ASH2L: variants seen among roughly 807,000 people sequenced by gnomAD.
The protein encoded by ASH2L is set1/Ash2 histone methyltransferase complex subunit ASH2.
ASH2L carries 30 observed loss-of-function variants against 81.1 expected under a neutral mutation model. That is an observed-to-expected ratio of 0.37 (90% CI 0.28 to 0.50). The LOEUF is 0.50. ASH2L is among the 20% of genes least tolerant of loss of function. The pLI is 0.95. For synonymous variants in ASH2L, 273 were observed against 279.9 expected, an observed-to-expected ratio of 0.98 and a Z score of 0.24; for missense variants, 559 against 792.1, an observed-to-expected ratio of 0.71 and a Z score of 3.53.
intron 3 of ASH2L, 101 bp from the exon 4 acceptor site, chr8:38,110,278 C>T: frequency 2.2e-6 from 2 of 912,056 alleles, no homozygotes; most frequent in Non-Finnish European, 3.6e-6. Flanking sequence ...CACCACTGCA[C>T]TCCAGCCTGA....
At chr8:38,114,110 T>G in intron 5 of ASH2L, 82 bp from the exon 6 acceptor site, 1 of 819,336 alleles carries the variant, frequency 1.2e-6, no homozygotes, top group Non-Finnish European at 1.9e-6. Flanking sequence ...TCTAACAAGA[T>G]CTTCGAAAAA....
chr8:38,110,534 G>A, intron 4 of ASH2L, 67 bp downstream of exon 4: 1 of 1,471,448 alleles, frequency 6.8e-7, no homozygotes, highest in Non-Finnish European at 9.5e-7. Flanking sequence ...TCTGGGCGTA[G>A]CAGAATCAGG....
intron 12 of ASH2L, among the ~76,000 whole-genome samples, chr8:38,130,119 G>A (rs560143614): frequency 6.6e-6 from 1 of 151,932 alleles, no homozygotes; most frequent in East Asian, 1.9e-4. Context: ...TTTCTTTGAT[G>A]ACATACTGGG....
At chr8:38,136,766 CTG>C (rs772592098) in intron 14 of ASH2L, among the ~76,000 whole-genome samples, 209 of 142,932 alleles carry the variant, frequency 1.5e-3, no homozygotes, top group Non-Finnish European at 2.7e-3. Flanking sequence ...AAACGAGACT[CTG>C]TGTCAAAAAA....
At chr8:38,112,686 G>C (rs1027347336) in intron 5 of ASH2L, among the ~76,000 whole-genome samples, 1 of 152,146 alleles carries the variant, frequency 6.6e-6, no homozygotes, top group Non-Finnish European at 1.5e-5. Context: ...TGACTAGTTG[G>C]TTAAGGAGGG....
At chr8:38,116,812 C>G (rs1395600113) in intron 8 of ASH2L, 87 bp downstream of exon 8, 23 of 1,115,600 alleles carry the variant, frequency 2.1e-5, no homozygotes, top group Non-Finnish European at 2.6e-5. Context: ...TGGGTTGACC[C>G]TTAACCTGGA....
At chr8:38,125,608 CAA>C (rs11304330) in intron 10 of ASH2L, among the ~76,000 whole-genome samples, 98,564 of 146,912 alleles carry the variant, frequency 0.67, 34,827 homozygotes, top group Middle Eastern at 0.81. Flanking sequence ...AACTCCATCT[CAA>C]AAAAAAAAAA....
chr8:38,128,035 G>A (rs961567713), intron 10 of ASH2L, among the ~76,000 whole-genome samples: 7 of 99,374 alleles, frequency 7.0e-5, no homozygotes, highest in African/African-American at 2.1e-4. Flanking sequence ...GACAGAGCGG[G>A]ACTCCATCTC....
At chr8:38,118,788 T>C (rs536580583) in intron 8 of ASH2L, among the ~76,000 whole-genome samples, 1 of 152,334 alleles carries the variant, frequency 6.6e-6, no homozygotes, top group Non-Finnish European at 1.5e-5. Flanking sequence ...TACTGTGCTT[T>C]TATGATGTTT....
At chr8:38,113,262 G>A (rs1810759113) in intron 5 of ASH2L, among the ~76,000 whole-genome samples, 2 of 152,012 alleles carry the variant, frequency 1.3e-5, no homozygotes, top group South Asian at 2.1e-4. Context: ...GAGCCACCAC[G>A]CCCAGCTCTT....
At chr8:38,105,931 G>T in intron 1 of ASH2L, 193 bp downstream of exon 1, 1 of 1,490,592 alleles carries the variant, frequency 6.7e-7, no homozygotes, top group Non-Finnish European at 8.9e-7. Context: ...CACCTTTCAC[G>T]GGCGGTGGGA....
At chr8:38,119,900 C>T (rs1811067035) in intron 9 of ASH2L, among the ~76,000 whole-genome samples, 1 of 152,130 alleles carries the variant, frequency 6.6e-6, no homozygotes, top group African/African-American at 2.4e-5. Flanking sequence ...AGGTGAATCA[C>T]CTGAGGTCAG....
In ASH2L at chr8:38,105,969, C is replaced by T. The variant is rs905170158; in HGVS notation, c.188+231C>T. 4 of 1,526,842 alleles carry T rather than the reference C, an allele frequency of 2.6e-6. No homozygotes were observed. The African/African-American group carries it at 4.1e-5, about 16-fold the overall frequency. 94.6% of individuals were successfully genotyped at this position (1,526,842 alleles called of 1,614,324 possible). On this transcript the variant is annotated intron_variant, in intron 1 of 15. Transcript: ENST00000343823. ...TGAGGCTCCTGTCGTTATCTCTGAT[C>T]CTTGCACCCTGGCAGGAAGCTGGTA...
At chr8:38,123,082 C>CTTTT (rs59410420) in intron 10 of ASH2L, among the ~76,000 whole-genome samples, 64 of 100,906 alleles carry the variant, frequency 6.3e-4, no homozygotes, top group Non-Finnish European at 7.3e-4. Context: ...TTCAGAATTT[C>CTTTT]TTTTTTTTTT....
chr8:38,105,537 C>T lies in ASH2L; in HGVS notation c.-14C>T, dbSNP rs1277265918. ...GAAGAGAGTATTCTCGCGAGAAGTC[C>T]AGGGGTGGCCGTGATGGCGGCGGCA... On this transcript the variant is annotated 5_prime_UTR_variant, in exon 1 of 16. Coordinates refer to ENST00000343823, the MANE Select transcript of ASH2L (RefSeq NM_004674.5). 1.9e-6 allele frequency: 3 copies of T among 1,550,766 alleles called. No individual in the cohort carries two copies. Among genetic ancestry groups the T allele is most frequent in the East Asian group, 2.5e-5 (1 of 40,808 alleles).
At chr8:38,125,198 T>C (rs1261839412) in intron 10 of ASH2L, among the ~76,000 whole-genome samples, 2 of 152,244 alleles carry the variant, frequency 1.3e-5, no homozygotes, top group Non-Finnish European at 2.9e-5. Flanking sequence ...TGTACACTTT[T>C]CACCCAGATT....
chr8:38,118,196 A>G (rs112572078), intron 8 of ASH2L, among the ~76,000 whole-genome samples: 2,585 of 152,348 alleles, frequency 0.017, 45 homozygotes, highest in South Asian at 0.08. Context: ...TTCTGCATAA[A>G]AAGTCTGGTC....
chr8:38,111,221 G>A (rs565776530), intron 5 of ASH2L, among the ~76,000 whole-genome samples: 3 of 152,002 alleles, frequency 2.0e-5, no homozygotes, highest in Non-Finnish European at 2.9e-5. Flanking sequence ...GTGAGCCACC[G>A]CACCTGGACT....
At chr8:38,109,379 C>T (rs752014606) in intron 3 of ASH2L, among the ~76,000 whole-genome samples, 14 of 152,168 alleles carry the variant, frequency 9.2e-5, no homozygotes, top group Non-Finnish European at 2.1e-4. Context: ...TTGGTAAATG[C>T]AGTCTTCTCT....
Sources: gnomAD v4.1 joint callset for allele counts (sites outside exome capture counted in the v4.1 genomes callset) on GRCh38, gnomAD v4.1.1 for gene constraint, MANE v1.5 for transcripts, NCBI Gene and HGNC (gene_info 2026-07-23, HGNC 2026-07-21) for gene names.